GALNTL6: variants seen among roughly 807,000 people sequenced by gnomAD.
GALNTL6 encodes the protein polypeptide N-acetylgalactosaminyltransferase-like 6.
GALNTL6 carries 46 observed loss-of-function variants against 73.7 expected under a neutral mutation model. The ratio of observed to expected loss-of-function variants is 0.62; its 90% confidence interval spans 0.49 to 0.80. The LOEUF (loss-of-function observed/expected upper bound fraction) is 0.80. Among genes scored for constraint, GALNTL6 ranks in the 30% least tolerant of loss-of-function variants. GALNTL6 has a pLI of 0.00. For missense variants in GALNTL6, 604 were observed against 755.0 expected (o/e 0.80, Z 2.34); for synonymous variants, 259 against 263.7 (o/e 0.98, Z 0.17).
intron 10 of GALNTL6, among the ~76,000 whole-genome samples, chr4:172,975,875 C>T (rs1750783375): frequency 6.6e-6 from 1 of 152,186 alleles, no homozygotes; most frequent in African/African-American, 2.4e-5. Context: ...AGCCAGACAG[C>T]AGGAGTAGGC....
chr4:171,906,826 A>C (rs1182961141), intron 2 of GALNTL6, among the ~76,000 whole-genome samples: 1 of 152,194 alleles, frequency 6.6e-6, no homozygotes, highest in Non-Finnish European at 1.5e-5. Flanking sequence ...CCTGGGATGC[A>C]AGGCTGGTTC....
chr4:172,117,270 T>C (rs1361312451), intron 2 of GALNTL6, among the ~76,000 whole-genome samples: 1 of 152,218 alleles, frequency 6.6e-6, no homozygotes, highest in Non-Finnish European at 1.5e-5. Context: ...AAACTGACCG[T>C]ATTATATGCT....
At chr4:172,571,074 C>A (rs538590162) in intron 5 of GALNTL6, among the ~76,000 whole-genome samples, 10 of 152,260 alleles carry the variant, frequency 6.6e-5, no homozygotes, top group African/African-American at 2.4e-4. Context: ...TGCTTACCCC[C>A]CAGTGCGTGG....
rs566395039 is a variant in GALNTL6, at chr4:172,780,128, T to A, written c.554-29233T>A. On this transcript the variant is annotated intron_variant, in intron 5 of 12. Transcript: ENST00000506823. Reference sequence around the variant, plus strand: ...GGTTTATTCTTGGCTTTTTTTTTTTTAAAGTAGTGCAAGCTGCTAGGTAGT... The same window carrying A: ...GGTTTATTCTTGGCTTTTTTTTTTTAAAAGTAGTGCAAGCTGCTAGGTAGT... Among the ~76,000 whole-genome samples the A allele has an allele frequency of 2.8e-3, 423 of 150,408 alleles. 3 individuals are homozygous for A. The highest frequency in any genetic ancestry group is 9.6e-3 in the African/African-American group (395 of 41,182).
chr4:172,496,660 G>A (rs952645892), intron 5 of GALNTL6, among the ~76,000 whole-genome samples: 1 of 152,152 alleles, frequency 6.6e-6, no homozygotes, highest in Non-Finnish European at 1.5e-5. Context: ...TCCAGCCTGG[G>A]CAACAGAGTA....
At chr4:171,910,758 AG>A (rs1217586175) in intron 2 of GALNTL6, among the ~76,000 whole-genome samples, 1 of 152,170 alleles carries the variant, frequency 6.6e-6, no homozygotes, top group Non-Finnish European at 1.5e-5. Flanking sequence ...GCCACTTCAA[AG>A]TAACATTTAG....
intron 8 of GALNTL6, among the ~76,000 whole-genome samples, chr4:172,884,096 A>C (rs2111195601): frequency 6.6e-6 from 1 of 152,306 alleles, no homozygotes; most frequent in Admixed American, 6.5e-5. Context: ...TGCAGATATC[A>C]CTTCTACATA....
At chr4:172,487,162 C>T (rs553880950) in intron 5 of GALNTL6, among the ~76,000 whole-genome samples, 40 of 151,872 alleles carry the variant, frequency 2.6e-4, no homozygotes, top group African/African-American at 8.7e-4. Context: ...TACAAAAGAA[C>T]GTAGTAGAAG....
At chr4:172,330,683 G>T (rs913674319) in intron 4 of GALNTL6, among the ~76,000 whole-genome samples, 4 of 151,926 alleles carry the variant, frequency 2.6e-5, no homozygotes, top group African/African-American at 9.7e-5. Context: ...TTGTTTTTTT[G>T]TGTTAAGCTT....
intron 5 of GALNTL6, among the ~76,000 whole-genome samples, chr4:172,730,264 G>A (rs895222608): frequency 9.2e-5 from 14 of 152,038 alleles, no homozygotes; most frequent in African/African-American, 3.4e-4. Context: ...TTCCAGTATT[G>A]TGTTGAATAA....
At chr4:172,035,431 A>C (rs574593656) in intron 2 of GALNTL6, among the ~76,000 whole-genome samples, 2 of 151,950 alleles carry the variant, frequency 1.3e-5, no homozygotes, top group African/African-American at 4.8e-5. Flanking sequence ...TATTACTAAC[A>C]CCTAGAATAA....
chr4:172,399,169 T>C (rs933900378), intron 5 of GALNTL6, among the ~76,000 whole-genome samples: 6 of 152,164 alleles, frequency 3.9e-5, no homozygotes, highest in Admixed American at 3.3e-4. Flanking sequence ...GAAATAGTTA[T>C]ATCATCATAC....
intron 5 of GALNTL6, among the ~76,000 whole-genome samples, chr4:172,763,995 G>C (rs867826012): frequency 9.9e-4 from 124 of 125,340 alleles, no homozygotes; most frequent in Middle Eastern, 5.7e-3. Context: ...TTTCACCCTT[G>C]TTGCCAAGGC....
At chr4:172,350,777 G>A (rs1554016355) in intron 5 of GALNTL6, among the ~76,000 whole-genome samples, 1 of 151,746 alleles carries the variant, frequency 6.6e-6, no homozygotes, top group Non-Finnish European at 1.5e-5. Flanking sequence ...TTTTGCTTTG[G>A]ATTATGAAAA....
chr4:171,963,122 G>A (rs910423961), intron 2 of GALNTL6, among the ~76,000 whole-genome samples: 1 of 150,474 alleles, frequency 6.6e-6, no homozygotes, highest in African/African-American at 2.4e-5. Flanking sequence ...TCTAAGAAGT[G>A]CATCATTTTT....
rs17058882 is a variant in GALNTL6 at position 172,770,509 on chromosome 4, C to T, written c.554-38852C>T. On this transcript the variant is annotated intron_variant, in intron 5 of 12. Transcript: ENST00000506823. ...ACATTTAATATATTGTACTTACTTG[C>T]GATTTTAAATCCTACCAAGAAAAGT... 1.5e-3 allele frequency among the ~76,000 whole-genome samples: 222 copies of T among 152,020 alleles called. 1 individual carries two copies. Among genetic ancestry groups the T allele is most frequent in the Non-Finnish European group, 2.6e-3 (176 of 67,964 alleles).
intron 2 of GALNTL6, among the ~76,000 whole-genome samples, chr4:172,226,805 G>A (rs149222040): frequency 1.3e-3 from 199 of 152,064 alleles, no homozygotes; most frequent in Non-Finnish European, 1.6e-3. Flanking sequence ...TTTCCAAACT[G>A]TGTCTTAATT....
rs7654836 is a variant in GALNTL6, at chr4:172,023,271, A to G, written c.139-206385A>G. Among the ~76,000 whole-genome samples, 1,181 of 151,144 alleles carry G rather than the reference A, an allele frequency of 7.8e-3. 20 individuals carry two copies. The highest frequency in any genetic ancestry group is 0.025 in the African/African-American group (1,037 of 40,828). On this transcript the variant is annotated intron_variant, in intron 2 of 12. Transcript: ENST00000506823. ...TTTAGTGTATTGAAAATATATATAT[A>G]TATATTTGTCAAATAATTGTTGACT...
chr4:172,349,822 TAA>T (rs33936551), intron 5 of GALNTL6, among the ~76,000 whole-genome samples: 28 of 84,864 alleles, frequency 3.3e-4, no homozygotes, highest in South Asian at 1.7e-3. Flanking sequence ...CGTCTCAAAT[TAA>T]AAAAAAATAT....
Sources: gnomAD v4.1 joint callset for allele counts (sites outside exome capture counted in the v4.1 genomes callset) on GRCh38, gnomAD v4.1.1 for gene constraint, MANE v1.5 for transcripts, NCBI Gene and HGNC (gene_info 2026-07-23, HGNC 2026-07-21) for gene names.